The following SMAP1 variants were observed in gnomAD, a reference collection of about 807,000 sequenced individuals.
SMAP1 encodes stromal membrane-associated protein 1.
In SMAP1, 24 loss-of-function variants were observed where a neutral mutation model predicts 58.5. The observed-to-expected ratio is 0.41, with a 90% CI of 0.30 to 0.58. SMAP1 has a LOEUF of 0.58. SMAP1 is among the 20% of genes least tolerant of loss of function. The pLI is 0.29. For synonymous variants in SMAP1, 216 were observed against 196.6 expected, an observed-to-expected ratio of 1.10 and a Z score of -0.82; for missense variants, 563 against 566.3, an observed-to-expected ratio of 0.99 and a Z score of 0.06.
chr6:70,848,188 A>G (rs1193855742), intron 7 of SMAP1, among the ~76,000 whole-genome samples: 1 of 152,134 alleles, frequency 6.6e-6, no homozygotes, highest in East Asian at 1.9e-4. Flanking sequence ...TTCTTAGTTG[A>G]CCAAGGCCTG....
intron 1 of SMAP1, among the ~76,000 whole-genome samples, chr6:70,691,523 G>T (rs187632844): frequency 6.6e-6 from 1 of 151,912 alleles, no homozygotes; most frequent in African/African-American, 2.4e-5. Context: ...TCACCCTGTT[G>T]TGTTATCAAA....
chr6:70,816,068 G>C (rs995385268), intron 6 of SMAP1, among the ~76,000 whole-genome samples: 1 of 152,114 alleles, frequency 6.6e-6, no homozygotes, highest in Admixed American at 6.6e-5. Flanking sequence ...GTGGAGGTTT[G>C]GAGAATTGAG....
At chr6:70,860,006 G>GTATC (rs1771639157) in intron 10 of SMAP1, 194 bp from the exon 11 acceptor site, 1 of 507,448 alleles carries the variant, frequency 2.0e-6, no homozygotes, top group Admixed American at 4.0e-5. Flanking sequence ...TGGGGAAACT[G>GTATC]TATCTAGAAA....
intron 1 of SMAP1, among the ~76,000 whole-genome samples, chr6:70,720,165 G>T (rs1016295786): frequency 6.6e-6 from 1 of 152,178 alleles, no homozygotes; most frequent in Non-Finnish European, 1.5e-5. Context: ...GGTAAATATA[G>T]CCATTCCAGA....
chr6:70,794,818 T>G (rs559993847), intron 5 of SMAP1, among the ~76,000 whole-genome samples: 182 of 148,048 alleles, frequency 1.2e-3, no homozygotes, highest in Admixed American at 2.5e-3. Context: ...AGATGGAGTT[T>G]CACTCTGTCG....
chr6:70,785,968 C>G, intron 4 of SMAP1, among the ~76,000 whole-genome samples: 1 of 148,440 alleles, frequency 6.7e-6, no homozygotes, highest in Non-Finnish European at 1.5e-5. Flanking sequence ...CAGCATCATC[C>G]TGATACCAAA....
At chr6:70,859,017 T>C (rs1771571765) in intron 10 of SMAP1, 1 of 201,238 alleles carries the variant, frequency 5.0e-6, no homozygotes, top group Admixed American at 5.8e-5. Context: ...TTCTTCCTTT[T>C]ACACTTCCCA....
chr6:70,804,002 G>T (rs1032141479), intron 6 of SMAP1, among the ~76,000 whole-genome samples: 1 of 152,270 alleles, frequency 6.6e-6, no homozygotes, highest in African/African-American at 2.4e-5. Flanking sequence ...GTCTTATTAG[G>T]TCCACTTGGT....
At chr6:70,793,046 A>G (rs1345478713) in intron 5 of SMAP1, among the ~76,000 whole-genome samples, 1 of 151,704 alleles carries the variant, frequency 6.6e-6, no homozygotes, top group Admixed American at 6.6e-5. Flanking sequence ...ATTTTATTTT[A>G]TTTTTTTGAG....
chr6:70,719,478 A>ATT (rs1409781178), intron 1 of SMAP1, among the ~76,000 whole-genome samples: 1 of 152,168 alleles, frequency 6.6e-6, no homozygotes, highest in East Asian at 1.9e-4. Context: ...TACCACACTT[A>ATT]TTCTCTTTGT....
intron 1 of SMAP1, among the ~76,000 whole-genome samples, chr6:70,691,293 T>G (rs1445280995): frequency 6.6e-6 from 1 of 152,178 alleles, no homozygotes; most frequent in Non-Finnish European, 1.5e-5. Context: ...GTTTTCTACT[T>G]CACTGATTTT....
rs767442742 is a variant in SMAP1 at position 70,837,000 on chromosome 6, G to A, written c.636G>A (p.Ala212=). The change falls in exon 7 of 11, where the codon GCG becomes GCA. Residue 212 remains alanine (A), a synonymous_variant. Transcript: ENST00000370455. ...PKKSTSPKKA[A]EPTVDLLGLD... is the part of the protein sequence containing the mutation. The stretch of plus-strand genomic sequence containing the variant: ...AAAGTACCAGCCCTAAAAAAGCTGC[G>A]GAGCCCACTGTGGATCTTTTAGGAC... The A allele has an allele frequency of 8.1e-6, 13 of 1,600,402 alleles. No individual in the cohort carries two copies. Among genetic ancestry groups the A allele is most frequent in the Non-Finnish European group, 9.4e-6 (11 of 1,173,976 alleles).
intron 7 of SMAP1, among the ~76,000 whole-genome samples, chr6:70,847,454 G>T (rs1340231308): frequency 6.6e-6 from 1 of 152,130 alleles, no homozygotes; most frequent in East Asian, 1.9e-4. Context: ...TCCCAAATAA[G>T]ACACTAGCCT....
chr6:70,767,501 C>A (rs1372410525), intron 3 of SMAP1, among the ~76,000 whole-genome samples: 1 of 152,104 alleles, frequency 6.6e-6, no homozygotes, highest in Non-Finnish European at 1.5e-5. Flanking sequence ...ATTTTATTAT[C>A]TTTGAAGCAA....
At chr6:70,711,299 T>C (rs1366359270) in intron 1 of SMAP1, among the ~76,000 whole-genome samples, 2 of 152,172 alleles carry the variant, frequency 1.3e-5, no homozygotes, top group African/African-American at 4.8e-5. Context: ...ATAATTACAA[T>C]GTCTCTAGGC....
chr6:70,748,509 G>A (rs1766140435), intron 2 of SMAP1, among the ~76,000 whole-genome samples: 1 of 152,068 alleles, frequency 6.6e-6, no homozygotes, highest in East Asian at 1.9e-4. Context: ...TGTATTTTGA[G>A]TGTAAGATCT....
chr6:70,828,102 C>A (rs776826833), intron 6 of SMAP1, among the ~76,000 whole-genome samples: 1 of 151,986 alleles, frequency 6.6e-6, no homozygotes, highest in Non-Finnish European at 1.5e-5. Flanking sequence ...CATACAAATA[C>A]AAACAGATAT....
chr6:70,710,903 G>A (rs868720842), intron 1 of SMAP1, among the ~76,000 whole-genome samples: 1 of 151,650 alleles, frequency 6.6e-6, no homozygotes, highest in Non-Finnish European at 1.5e-5. Context: ...ACTAAGACAC[G>A]AACACCCATA....
At chr6:70,793,719 A>G (rs1768470100) in intron 5 of SMAP1, among the ~76,000 whole-genome samples, 1 of 151,180 alleles carries the variant, frequency 6.6e-6, no homozygotes, top group African/African-American at 2.4e-5. Context: ...ATTTTTATTT[A>G]TTTATTTATT....
Sources: allele counts gnomAD v4.1 joint callset (sites outside exome capture counted in the v4.1 genomes callset), GRCh38; gene constraint gnomAD v4.1.1; transcripts MANE v1.5; gene names NCBI Gene and HGNC (gene_info 2026-07-23, HGNC 2026-07-21).